Variants in PDE4D observed in about 807,000 individuals in gnomAD.
The protein encoded by PDE4D is phosphodiesterase 4D.
Under a neutral mutation model 87.4 loss-of-function variants are expected in PDE4D, and 24 were observed. That is an observed-to-expected ratio of 0.27 (90% CI 0.20 to 0.39). The LOEUF is 0.39. PDE4D is among the 10% of genes least tolerant of loss of function. The pLI is 1.00. For missense variants in PDE4D, 714 were observed against 1,041.0 expected (o/e 0.69, Z 4.32); for synonymous variants, 384 against 383.2 (o/e 1.00, Z -0.02).
At chr5:60,008,720 A>G (rs1385345564) in intron 2 of PDE4D, among the ~76,000 whole-genome samples, 1 of 152,032 alleles carries the variant, frequency 6.6e-6, no homozygotes, top group Non-Finnish European at 1.5e-5. Flanking sequence ...ATGTCATATT[A>G]TTGATTTATG....
chr5:59,726,700 T>C (rs901531326), intron 1 of PDE4D, among the ~76,000 whole-genome samples: 3 of 152,132 alleles, frequency 2.0e-5, no homozygotes, highest in African/African-American at 7.2e-5. Flanking sequence ...TCGTTTTAGT[T>C]ATAAATTTAA....
chr5:60,381,671 A>C (rs956160637), intron 1 of PDE4D, among the ~76,000 whole-genome samples: 1 of 152,204 alleles, frequency 6.6e-6, no homozygotes, highest in African/African-American at 2.4e-5. Flanking sequence ...TAAAGAAAGA[A>C]GCCGAGGAAG....
intron 1 of PDE4D, among the ~76,000 whole-genome samples, chr5:59,328,584 T>C (rs1427609390): frequency 6.6e-6 from 1 of 152,194 alleles, no homozygotes; most frequent in East Asian, 1.9e-4. Flanking sequence ...CGATGGACTC[T>C]ACACTTCAGA....
intron 1 of PDE4D, among the ~76,000 whole-genome samples, chr5:59,406,015 G>C (rs1791541754): frequency 1.3e-5 from 2 of 152,148 alleles, no homozygotes; most frequent in South Asian, 4.1e-4. Flanking sequence ...CCTTTGGTCT[G>C]TTTCGGTATG....
Position 58,970,262 on chromosome 5 carries a change from G to A in PDE4D, c.*4402C>T, listed in dbSNP as rs1279603982. 1 of 152,060 alleles carries A rather than the reference G, an allele frequency of 6.6e-6. No individual in the cohort carries two copies. The highest frequency in any genetic ancestry group is 1.9e-4 in the East Asian group (1 of 5,194). The allele number at this position is 152,060 out of a possible 1,614,324, so 9.4% of individuals were successfully genotyped here. On this transcript the variant is annotated 3_prime_UTR_variant, in exon 15 of 15. Coordinates refer to ENST00000340635, the MANE Select transcript of PDE4D (RefSeq NM_001104631.2). ...AAAGAAATAAAAACAACTCAAATCA[G>A]TTAAGGATGTTTTTGTAATTATAGT...
Position 59,177,165 on chromosome 5 carries a change from T to C in PDE4D, c.808+3430A>G, listed in dbSNP as rs537510379. Among the ~76,000 whole-genome samples the C allele has an allele frequency of 9.9e-5, 15 of 152,206 alleles. 1 individual carries two copies. In the East Asian group the frequency reaches 2.5e-3, roughly 26 times the overall value. On this transcript the variant is annotated intron_variant, in intron 5 of 14. Transcript: ENST00000340635. ...GTGGGAGGTGATTAGGTCGTGAGGG[T>C]GGAGCACTCAACACTCACAAATGAG...
chr5:60,310,339 T>C (rs901682994), intron 1 of PDE4D, among the ~76,000 whole-genome samples: 1 of 152,180 alleles, frequency 6.6e-6, no homozygotes, highest in African/African-American at 2.4e-5. Flanking sequence ...AATGTTTGCT[T>C]TATGATGGCC....
intron 1 of PDE4D, among the ~76,000 whole-genome samples, chr5:59,769,013 C>T (rs1428011666): frequency 6.6e-6 from 1 of 152,036 alleles, no homozygotes; most frequent in East Asian, 1.9e-4. Context: ...TCCCGCAGGG[C>T]TATTTATCTC....
chr5:59,711,074 G>A (rs1052153592), intron 1 of PDE4D, among the ~76,000 whole-genome samples: 10 of 152,078 alleles, frequency 6.6e-5, no homozygotes, highest in African/African-American at 2.4e-4. Flanking sequence ...TCTCTAATAG[G>A]ACCTGCAGAG....
chr5:59,334,889 T>C (rs913394088), intron 1 of PDE4D, among the ~76,000 whole-genome samples: 8 of 152,108 alleles, frequency 5.3e-5, no homozygotes, highest in Admixed American at 2.0e-4. Context: ...CCTTCCCATT[T>C]CTTCTTGAAA....
At chr5:59,568,798 C>A (rs1051389693) in intron 1 of PDE4D, among the ~76,000 whole-genome samples, 1 of 151,744 alleles carries the variant, frequency 6.6e-6, no homozygotes. Flanking sequence ...AAATGAAACA[C>A]GAGAACTAAA....
intron 1 of PDE4D, among the ~76,000 whole-genome samples, chr5:59,879,525 G>A (rs1290718642): frequency 1.3e-5 from 2 of 152,104 alleles, no homozygotes; most frequent in Non-Finnish European, 2.9e-5. Context: ...GGACATTATC[G>A]TTGTATTTCC....
chr5:59,682,813 T>C (rs1479676584), intron 1 of PDE4D, among the ~76,000 whole-genome samples: 1 of 152,182 alleles, frequency 6.6e-6, no homozygotes, highest in African/African-American at 2.4e-5. Context: ...AAGACTATGG[T>C]AGTTTGTTAT....
intron 1 of PDE4D, among the ~76,000 whole-genome samples, chr5:60,368,121 T>C (rs1387083299): frequency 1.3e-5 from 2 of 152,226 alleles, no homozygotes; most frequent in African/African-American, 4.8e-5. Context: ...ATCTCCATTA[T>C]GCTCATAAAC....
At chr5:59,698,030 T>G (rs1752036497) in intron 1 of PDE4D, among the ~76,000 whole-genome samples, 1 of 152,138 alleles carries the variant, frequency 6.6e-6, no homozygotes, top group South Asian at 2.1e-4. Flanking sequence ...CTAGTGAAGA[T>G]TCAGACCCAT....
At chr5:60,070,754 T>C (rs1263731967) in intron 2 of PDE4D, among the ~76,000 whole-genome samples, 3 of 152,078 alleles carry the variant, frequency 2.0e-5, no homozygotes, top group Admixed American at 2.0e-4. Flanking sequence ...GAAGAAATGG[T>C]ATAAATTTTT....
At chr5:59,366,978 T>C (rs1783164722) in intron 1 of PDE4D, among the ~76,000 whole-genome samples, 1 of 152,204 alleles carries the variant, frequency 6.6e-6, no homozygotes, top group African/African-American at 2.4e-5. Flanking sequence ...AGCCCATGTT[T>C]GGAGTTGTAC....
intron 5 of PDE4D, among the ~76,000 whole-genome samples, chr5:59,110,693 G>A (rs142441129): frequency 3.9e-5 from 6 of 152,174 alleles, no homozygotes; most frequent in African/African-American, 9.6e-5. Context: ...GTGTCATGGC[G>A]AGACCCGATC....
intron 1 of PDE4D, among the ~76,000 whole-genome samples, chr5:60,519,707 T>C (rs10075757): frequency 0.089 from 13,498 of 152,294 alleles, 802 homozygotes; most frequent in Non-Finnish European, 0.12. Flanking sequence ...AAAAGTGCCT[T>C]TGGAGGAGGC....
Sources: gnomAD v4.1 joint callset for allele counts (sites outside exome capture counted in the v4.1 genomes callset) on GRCh38, gnomAD v4.1.1 for gene constraint, MANE v1.5 for transcripts, NCBI Gene and HGNC (gene_info 2026-07-23, HGNC 2026-07-21) for gene names.